CAPS2: variants seen among roughly 807,000 people sequenced by gnomAD.
CAPS2 encodes the protein calcyphosin-2.
A neutral mutation model predicts 86.5 loss-of-function variants in CAPS2; 98 were observed. That is an observed-to-expected ratio of 1.13 (90% CI 0.96 to 1.34). The LOEUF (loss-of-function observed/expected upper bound fraction) is 1.34, where lower values mean the gene tolerates loss of function less well. Ranked by LOEUF, CAPS2 falls within the 40% of genes most tolerant of loss-of-function variation. CAPS2 has a pLI of 0.00. For missense variants in CAPS2, 729 were observed against 686.8 expected (o/e 1.06, Z -0.69); for synonymous variants, 210 against 225.1 (o/e 0.93, Z 0.60).
chr12:75,323,453 T>G (rs1359747145), intron 2 of CAPS2, among the ~76,000 whole-genome samples: 1 of 151,934 alleles, frequency 6.6e-6, no homozygotes, highest in Non-Finnish European at 1.5e-5. Context: ...TTATATTAAA[T>G]AAATACTTGG....
intron 4 of CAPS2, among the ~76,000 whole-genome samples, chr12:75,322,259 T>C (rs2040375112): frequency 6.6e-6 from 1 of 152,040 alleles, no homozygotes; most frequent in Admixed American, 6.6e-5. Context: ...GAGTGAGAGA[T>C]AATAAGAGTC....
At chr12:75,302,130 C>A (rs999590668) in intron 8 of CAPS2, among the ~76,000 whole-genome samples, 3 of 152,142 alleles carry the variant, frequency 2.0e-5, no homozygotes, top group Non-Finnish European at 2.9e-5. Flanking sequence ...ACGCCAATTC[C>A]TGCCTCTAAA....
At chr12:75,371,089 G>A (rs1049184963) in intron 1 of CAPS2, 1 of 152,446 alleles carries the variant, frequency 6.6e-6, no homozygotes, top group Non-Finnish European at 1.5e-5. Context: ...ATGATCTATA[G>A]GTGAAGTCCC....
intron 14 of CAPS2, among the ~76,000 whole-genome samples, chr12:75,287,081 AACAC>A (rs1231186765): frequency 2.0e-5 from 3 of 150,172 alleles, no homozygotes; most frequent in African/African-American, 7.3e-5. Flanking sequence ...CACACACACA[AACAC>A]ACACATATAT....
intron 1 of CAPS2, chr12:75,369,762 T>A (rs1196738568): frequency 2.0e-6 from 2 of 984,752 alleles, no homozygotes; most frequent in African/African-American, 3.5e-5. Context: ...AAATATTTGT[T>A]GACATAACAC....
At chr12:75,325,609 GT>G (rs201503579) in intron 1 of CAPS2, among the ~76,000 whole-genome samples, 1 of 150,642 alleles carries the variant, frequency 6.6e-6, no homozygotes, top group South Asian at 2.1e-4. Context: ...TAGGAAGCTT[GT>G]TTTTTTTTGT....
chr12:75,377,443 G>A (rs2044707915), intron 1 of CAPS2, among the ~76,000 whole-genome samples: 1 of 152,098 alleles, frequency 6.6e-6, no homozygotes, highest in African/African-American at 2.4e-5. Flanking sequence ...CTCAGCCCAA[G>A]TCCCAAAACC....
intron 8 of CAPS2, among the ~76,000 whole-genome samples, chr12:75,303,885 C>G (rs960829393): frequency 6.6e-6 from 1 of 152,076 alleles, no homozygotes. Context: ...ATAAGACCAG[C>G]TATTGAAGAC....
At chr12:75,321,327 CA>C (rs2040275456) in intron 5 of CAPS2, 72 bp downstream of exon 5, 2 of 970,942 alleles carry the variant, frequency 2.1e-6, no homozygotes, top group African/African-American at 1.7e-5. Context: ...ATATGTCACA[CA>C]AAAAGAGATT....
chr12:75,328,132 A>T (rs1281500958), upstream of CAPS2, among the ~76,000 whole-genome samples: 1 of 152,086 alleles, frequency 6.6e-6, no homozygotes, highest in Non-Finnish European at 1.5e-5. Context: ...GCTATTTTTC[A>T]CAAAGAAGCA....
chr12:75,294,088 C>T (rs534297470), intron 11 of CAPS2, among the ~76,000 whole-genome samples: 92 of 152,170 alleles, frequency 6.0e-4, no homozygotes, highest in Middle Eastern at 3.4e-3. Flanking sequence ...CCCACCACCA[C>T]GCCCGGCTGG....
chr12:75,328,666 C>G (rs1193779664), upstream of CAPS2, among the ~76,000 whole-genome samples: 1 of 152,122 alleles, frequency 6.6e-6, no homozygotes, highest in Non-Finnish European at 1.5e-5. Flanking sequence ...ATCACAATGC[C>G]AACATACAAA....
intron 5 of CAPS2, among the ~76,000 whole-genome samples, chr12:75,317,698 T>C (rs763413937): frequency 1.1e-4 from 16 of 152,162 alleles, no homozygotes; most frequent in Non-Finnish European, 2.2e-4. Flanking sequence ...CATTAAAAAT[T>C]GTAAATATGC....
upstream of CAPS2, among the ~76,000 whole-genome samples, chr12:75,326,870 G>C (rs75408313): frequency 0.038 from 5,796 of 152,216 alleles, 130 homozygotes; most frequent in East Asian, 0.053. Flanking sequence ...CCTTGTAAGA[G>C]GGAAGCAAGA....
rs1413552243 is a variant in CAPS2, at chr12:75,298,974, A to T, written c.855-8T>A. The T allele has an allele frequency of 6.5e-7, 1 of 1,535,298 alleles. No individual in the cohort carries two copies. The highest frequency in any genetic ancestry group is 2.0e-5 in the Admixed American group (1 of 49,534). On this transcript the variant is annotated splice_polypyrimidine_tract_variant and splice_region_variant and intron_variant, in intron 9 of 16. Transcript: ENST00000393284. ...CAAGCATCACGTCCATTACTGGAAA[A>T]ATAGAATGAAATCAAACATCTTCAA...
rs753460304 is a variant in CAPS2 at position 75,293,302 on chromosome 12, T to C, written c.1110A>G (p.Thr370=). ...TATTTGTGATTCGGAGTTTAAGTAATGTGTTTTCTTTGATGCTTTCTGGAA... is the reference window on the plus strand; with the variant it reads ...TATTTGTGATTCGGAGTTTAAGTAACGTGTTTTCTTTGATGCTTTCTGGAA... The change falls in exon 12 of 17, where the codon ACA becomes ACG. Residue 370 remains threonine, a synonymous_variant. Coordinates refer to ENST00000393284, the Ensembl canonical transcript of CAPS2. 6 of 1,612,680 alleles carry C rather than the reference T, an allele frequency of 3.7e-6. No individual in the cohort carries two copies. In the East Asian group the frequency reaches 1.3e-4, roughly 36 times the overall value.
At chr12:75,305,888 A>C (rs1347165054) in intron 7 of CAPS2, 3 of 806,568 alleles carry the variant, frequency 3.7e-6, no homozygotes, top group Non-Finnish European at 6.5e-6. Flanking sequence ...ACCAGGCTGC[A>C]CCTGAGGCTG....
intron 1 of CAPS2, among the ~76,000 whole-genome samples, chr12:75,363,690 A>G (rs946491752): frequency 1.3e-5 from 2 of 152,184 alleles, no homozygotes; most frequent in African/African-American, 4.8e-5. Flanking sequence ...AAATGGAGCC[A>G]TGTGTCAACA....
chr12:75,339,174 CCA>C lies in CAPS2; in HGVS notation c.-394-15954_-394-15953del, dbSNP rs1315560370. Among the ~76,000 whole-genome samples, 3 of 152,166 alleles carry C rather than the reference CCA, an allele frequency of 2.0e-5. No individual in the cohort carries two copies. The East Asian group carries it at 5.8e-4, about 29-fold the overall frequency. On this transcript the variant is annotated intron_variant, in intron 1 of 5. Coordinates refer to the CAPS2 transcript ENST00000551829. ...CTGACTCTAGATCTTTGAGGAATTG[CCA>C]CACTGTCCTCCACAATGGGTAAACT...
Sources: gnomAD v4.1 joint callset for allele counts (sites outside exome capture counted in the v4.1 genomes callset) on GRCh38, gnomAD v4.1.1 for gene constraint, MANE v1.5 for transcripts, NCBI Gene and HGNC (gene_info 2026-07-23, HGNC 2026-07-21) for gene names.